Variants in PIGG observed in about 807,000 individuals in gnomAD.
The protein encoded by PIGG is GPI ethanolamine phosphate transferase 2, catalytic subunit.
A neutral mutation model predicts 83.2 loss-of-function variants in PIGG; 70 were observed. That is an observed-to-expected ratio of 0.84 (90% CI 0.69 to 1.03). The LOEUF (loss-of-function observed/expected upper bound fraction) is 1.03. Among genes scored for constraint, PIGG ranks in the 50% least tolerant of loss-of-function variants. The pLI is 0.00. For synonymous variants in PIGG, 532 were observed against 519.5 expected (o/e 1.02, Z -0.33); for missense variants, 1,257 against 1,233.6 (o/e 1.02, Z -0.28).
rs138449665 is a variant in PIGG at position 516,124 on chromosome 4, A to G, written c.1053A>G (p.Leu351=). The change falls in exon 6 of 13, where the codon TTA becomes TTG. Residue 351 remains leucine, a synonymous_variant. Coordinates refer to ENST00000453061, the MANE Select transcript of PIGG (RefSeq NM_001127178.3). ...CAATGAGAGAGCAGTTGAGATTTTT[A>G]CATTTGAATACAGTGCAGCTTAGTA... ...GRPMREQLRF[L]HLNTVQLSKL... The G allele has an allele frequency of 2.9e-5, 47 of 1,613,962 alleles. 1 individual carries two copies. Among genetic ancestry groups the G allele is most frequent in the Non-Finnish European group, 3.7e-5 (44 of 1,179,954 alleles).
chr4:510,958 G>A (rs1363825536), intron 5 of PIGG, among the ~76,000 whole-genome samples: 2 of 151,902 alleles, frequency 1.3e-5, no homozygotes, highest in Non-Finnish European at 2.9e-5. Context: ...CTTTCATGTA[G>A]GATAGTGTTT....
At position 527,188 on chromosome 4, in the gene PIGG, G is replaced by T. The variant is rs770138896; in HGVS notation, c.2219G>T (p.Ser740Ile). 2.5e-6 allele frequency: 4 copies of T among 1,611,882 alleles called. No individual in the cohort carries two copies. The highest frequency in any genetic ancestry group is 1.3e-5 in the African/African-American group (1 of 74,856). ...TACTGCTACCGGGCGGCCATCGGGA[G>T]TGTCCGGTTCCCGTGGCGGCCGGAC... ...GVYCYRAAIGSVRFPWRPDSK... is the reference protein window; with the variant it reads ...GVYCYRAAIGIVRFPWRPDSK... Residue 740 changes from serine (S) to isoleucine (I), a missense_variant, in exon 10 of 13, where the codon AGT becomes ATT. By Grantham distance (142) the Ser-to-Ile change is moderately radical (BLOSUM62 -2). Transcript: ENST00000453061.
rs1194598688 is a variant in PIGG, at chr4:515,143, C to A, written c.902-830C>A. 1.3e-5 allele frequency among the ~76,000 whole-genome samples: 2 copies of A among 152,254 alleles called. No homozygotes were observed. Among genetic ancestry groups the A allele is most frequent in the Non-Finnish European group, 2.9e-5 (2 of 68,040 alleles). ...AGACTCACACCTGAGTATCTAAAGA[C>A]ACCTCACGCACCACCTATCCTGAGT... On this transcript the variant is annotated intron_variant, in intron 5 of 12. Transcript: ENST00000453061. This position sits in a 1 kb window ranked among gnomAD's most constrained non-coding sequence, Gnocchi z 4.2.
At chr4:526,857 C>A in intron 9 of PIGG, 182 bp from the exon 10 acceptor site, 2 of 720,172 alleles carry the variant, frequency 2.8e-6, no homozygotes, top group Non-Finnish European at 2.3e-6. Flanking sequence ...TGAGGTTGAC[C>A]ATCTTTTATT....
intron 4 of PIGG, among the ~76,000 whole-genome samples, chr4:507,833 A>G (rs1720317440): frequency 6.6e-6 from 1 of 152,126 alleles, no homozygotes; most frequent in African/African-American, 2.4e-5. Flanking sequence ...TCATTCAACT[A>G]ATACCTCCTG....
rs758425693 is a variant in PIGG at position 530,479 on chromosome 4, A to T, written c.2305A>T (p.Ile769Phe). The change falls in exon 11 of 13, where the codon ATT becomes TTT. Residue 769 changes from isoleucine to phenylalanine, a missense_variant. Transcript: ENST00000453061. The stretch of plus-strand genomic sequence containing the variant: ...TTTTGTTTATGTCTTTGTCCTTGGC[A>T]TTCTGTTCACGGGCACCAAAGACTT... ...ARFVYVFVLGILFTGTKDLLK... is the reference protein window; with the variant it reads ...ARFVYVFVLGFLFTGTKDLLK... The T allele has an allele frequency of 6.8e-6, 11 of 1,613,716 alleles. No homozygotes were observed. In the South Asian group the frequency reaches 9.9e-5, roughly 14 times the overall value.
intron 6 of PIGG, among the ~76,000 whole-genome samples, chr4:519,971 C>G (rs1343712656): frequency 5.5e-4 from 47 of 85,908 alleles, no homozygotes; most frequent in South Asian, 1.3e-3. Context: ...CTGCAGCAGT[C>G]GGGTGTGCTT....
intron 8 of PIGG, 144 bp downstream of exon 8, chr4:522,085 C>T (rs764175593): frequency 1.3e-5 from 11 of 835,910 alleles, no homozygotes; most frequent in Non-Finnish European, 2.0e-5. Context: ...CAGGGGGCCT[C>T]AGGGAAGGAC....
chr4:521,947 T>G lies in PIGG; in HGVS notation c.1614+6T>G, dbSNP rs200917876. 3.1e-5 allele frequency: 50 copies of G among 1,613,978 alleles called. No individual in the cohort carries two copies. In the African/African-American group the frequency reaches 5.3e-4, roughly 17 times the overall value. ...GTGGAAACACCCCAAGGAAGGTACG[T>G]ACGGCTGGTTCCTGGGAGTGTGACG... On this transcript the variant is annotated splice_donor_region_variant and intron_variant, in intron 8 of 12. Transcript: ENST00000453061.
Position 533,859 on chromosome 4 carries a change from C to G in PIGG, c.2613C>G (p.Gly871=). ...NNIATVDISA[G]FVGLDTYVEI... is the part of the protein sequence containing the mutation. ...TTGCCACCGTGGACATCTCCGCAGG[C>G]TTCGTGGGCTTAGACACCTACGTGG... is the stretch of plus-strand genomic sequence containing the variant. The change falls in exon 12 of 13, where the codon GGC becomes GGG. Residue 871 remains glycine, a synonymous_variant. Coordinates refer to ENST00000453061, the MANE Select transcript of PIGG (RefSeq NM_001127178.3). The G allele has an allele frequency of 6.2e-7, 1 of 1,614,204 alleles. No homozygotes were observed. The highest frequency in any genetic ancestry group is 2.2e-5 in the East Asian group (1 of 44,874).
intron 5 of PIGG, among the ~76,000 whole-genome samples, chr4:511,189 A>G (rs1721797079): frequency 6.7e-6 from 1 of 149,952 alleles, no homozygotes; most frequent in Non-Finnish European, 1.5e-5. Flanking sequence ...GCTACTTGGG[A>G]GGCTGAGGCA....
At position 500,596 on chromosome 4, in the gene PIGG, A is replaced by G. The variant is rs1553875271; in HGVS notation, c.355A>G (p.Ile119Val). ...GCCACCTACAGTTACTATGCCTCGA[A>G]TCAAGGTAAGTTTGCCTTAATGTTT... ...AKPPTVTMPR[I>V]KALMTGSLPG... The change falls in exon 2 of 13, where the codon ATC becomes GTC. Residue 119 changes from isoleucine (I) to valine (V), a missense_variant. Ile to Val is a conservative substitution (Grantham distance 29, BLOSUM62 3). Transcript: ENST00000453061. 6.3e-7 allele frequency: 1 copy of G among 1,595,266 alleles called. No individual in the cohort carries two copies. The highest frequency in any genetic ancestry group is 1.1e-5 in the South Asian group (1 of 90,700).
At chr4:512,082 C>T (rs1722148038) in intron 5 of PIGG, among the ~76,000 whole-genome samples, 1 of 152,120 alleles carries the variant, frequency 6.6e-6, no homozygotes, top group Non-Finnish European at 1.5e-5. Flanking sequence ...TGTGTTTCAT[C>T]AAATTTGGAA....
rs2109004791 is a variant in PIGG, at chr4:528,675, G to A, written c.2261+1445G>A. On this transcript the variant is annotated intron_variant, in intron 10 of 12. Transcript: ENST00000453061. This position sits in a 1 kb window ranked among gnomAD's most constrained non-coding sequence, Gnocchi z 4.8. ...ATCCAAATGGATGTTACATTTGCGG[G>A]TGTGTGTTTAAGGTGCAGCGTATGA... 2.0e-6 allele frequency: 2 copies of A among 985,374 alleles called. No individual in the cohort carries two copies. Among genetic ancestry groups the A allele is most frequent in the Non-Finnish European group, 2.4e-6 (2 of 829,864 alleles). The allele number at this position is 985,374 out of a possible 1,614,324, so 61.0% of individuals were successfully genotyped here.
At chr4:512,154 C>A (rs1295509806) in intron 5 of PIGG, among the ~76,000 whole-genome samples, 1 of 149,882 alleles carries the variant, frequency 6.7e-6, no homozygotes, top group Non-Finnish European at 1.5e-5. Context: ...CTGGTTCTTT[C>A]TTCTGCCAGT....
intron 4 of PIGG, among the ~76,000 whole-genome samples, chr4:507,987 C>A (rs1720433585): frequency 6.6e-6 from 1 of 152,202 alleles, no homozygotes; most frequent in Admixed American, 6.5e-5. Flanking sequence ...GTCACTCTCT[C>A]TGCTCTGTGC....
rs147177926 is a variant in PIGG, at chr4:527,524, T to C, written c.2261+294T>C. 9,856 of 1,150,316 alleles carry C rather than the reference T, an allele frequency of 8.6e-3. 53 individuals carry two copies. Among genetic ancestry groups the C allele is most frequent in the Middle Eastern group, 0.011 (30 of 2,728 alleles). The allele number at this position is 1,150,316 out of a possible 1,614,324, so 71.3% of individuals were successfully genotyped here. A position where few individuals can be genotyped will look rare whatever the true frequency, so the allele number is the denominator to read the frequency against. On this transcript the variant is annotated intron_variant, in intron 10 of 12. Coordinates refer to ENST00000453061, the MANE Select transcript of PIGG (RefSeq NM_001127178.3). ...TAAATTTAAAATAAAACCTTCAGGG[T>C]GTGTGATGGGACAGACAGATGAGCG... is the stretch of plus-strand genomic sequence containing the variant.
Position 508,953 on chromosome 4 carries a change from C to A in PIGG, c.884C>A (p.Ala295Glu). ...ACACCTCTGATTTTAATCAGTTCTG[C>A]GTTTGAAAGGAAACCCGGTGAGAAT... ...VNTPLILISS[A>E]FERKPGDIRH... Residue 295 changes from alanine to glutamate, a missense_variant, in exon 5 of 13, where the codon GCG (alanine) becomes GAG (glutamate). Coordinates refer to ENST00000453061, the MANE Select transcript of PIGG (RefSeq NM_001127178.3). 6.2e-7 allele frequency: 1 copy of A among 1,611,990 alleles called. No homozygotes were observed. Among genetic ancestry groups the A allele is most frequent in the Non-Finnish European group, 8.5e-7 (1 of 1,178,930 alleles).
intron 2 of PIGG, 44 bp from the exon 3 acceptor site, chr4:505,674 G>A (rs367976087): frequency 1.7e-5 from 24 of 1,403,364 alleles, no homozygotes; most frequent in East Asian, 2.3e-5. Context: ...TTCATGCTCC[G>A]GTTTTGGATT....
Sources: gnomAD v4.1 joint callset for allele counts (sites outside exome capture counted in the v4.1 genomes callset) on GRCh38, gnomAD v4.1.1 for gene constraint, Gnocchi (gnomAD v3.1) non-coding constraint, MANE v1.5 for transcripts, NCBI Gene and HGNC (gene_info 2026-07-23, HGNC 2026-07-21) for gene names.